CABIN1: variants seen among roughly 807,000 people sequenced by gnomAD.
CABIN1 encodes the protein calcineurin binding protein 1, also known as calcineurin-binding protein cabin-1.
CABIN1 carries 133 observed loss-of-function variants against 227.7 expected under a neutral mutation model. The ratio of observed to expected loss-of-function variants is 0.58; its 90% CI spans 0.51 to 0.67. CABIN1 has a LOEUF of 0.67. Ranked by LOEUF, CABIN1 falls within the 30% of genes least tolerant of loss-of-function variation. The probability of loss-of-function intolerance (pLI) is 0.00; values close to 1 mark genes in which losing one functional copy is unlikely to be tolerated. For missense variants in CABIN1, 2,408 were observed against 2,852.5 expected (o/e 0.84, Z 3.55); for synonymous variants, 1,086 against 1,155.1 (o/e 0.94, Z 1.21).
chr22:24,063,995 C>A lies in CABIN1; in HGVS notation c.1885-40C>A, dbSNP rs1287661278. 6.8e-6 allele frequency: 11 copies of A among 1,613,180 alleles called. No homozygotes were observed. The East Asian group carries it at 2.5e-4, about 36-fold the overall frequency. ...AAGCATCTGGCACATCATAGTCAGT[C>A]TTCTGCTTTGGTTCCCTGACCTGTT... On this transcript the variant is annotated intron_variant, in intron 14 of 36. Transcript: ENST00000263119.
chr22:24,086,246 C>T (rs2041153626), intron 22 of CABIN1, among the ~76,000 whole-genome samples: 1 of 152,224 alleles, frequency 6.6e-6, no homozygotes, highest in Admixed American at 6.5e-5. Context: ...TTCAGGTTTC[C>T]TCGTCTGTTC....
At chr22:24,059,704 CT>C in intron 11 of CABIN1, among the ~76,000 whole-genome samples, 1 of 152,180 alleles carries the variant, frequency 6.6e-6, no homozygotes, top group East Asian at 1.9e-4. Flanking sequence ...TGATGTCCAC[CT>C]TAGATACGGA....
chr22:24,070,675 T>C, intron 16 of CABIN1, 125 bp from the exon 17 acceptor site: 3 of 1,422,596 alleles, frequency 2.1e-6, no homozygotes, highest in Non-Finnish European at 3.0e-6. Flanking sequence ...TATGTTGTGC[T>C]GGGGCTCGTT....
At chr22:24,093,628 G>A (rs560315264) in intron 24 of CABIN1, among the ~76,000 whole-genome samples, 3 of 152,294 alleles carry the variant, frequency 2.0e-5, no homozygotes, top group South Asian at 2.1e-4. Flanking sequence ...CACTGCTTTG[G>A]GAGGATTGCT....
At chr22:24,113,501 G>A in intron 26 of CABIN1, 65 bp from the exon 27 acceptor site, 1 of 1,461,148 alleles carries the variant, frequency 6.8e-7, no homozygotes, top group Non-Finnish European at 9.6e-7. Context: ...ACCATAGGAA[G>A]GCCCCCTGTG....
Position 24,109,221 on chromosome 22 carries a change from C to CT in CABIN1, c.4118-4329dup, listed in dbSNP as rs869266886. Among the ~76,000 whole-genome samples the CT allele has an allele frequency of 7.5e-3, 999 of 133,260 alleles. 1 individual carries two copies. The highest frequency in any genetic ancestry group is 0.015 in the Middle Eastern group (4 of 260). The allele number at this position is 133,260 out of a possible 152,430, so 87.4% of individuals were successfully genotyped here. On this transcript the variant is annotated intron_variant, in intron 26 of 36. Coordinates refer to ENST00000263119, the MANE Select transcript of CABIN1 (RefSeq NM_012295.4). The stretch of plus-strand genomic sequence containing the variant: ...TTTTTTGAAACAACTTTATATTTTG[C>CT]TTTTTTTTTTTTTTTTAGACAGGGT...
intron 26 of CABIN1, among the ~76,000 whole-genome samples, chr22:24,100,162 A>G (rs1363857067): frequency 6.6e-6 from 1 of 152,250 alleles, no homozygotes; most frequent in Non-Finnish European, 1.5e-5. Context: ...AAATGTCTTC[A>G]AAGTGATTCC....
At chr22:24,036,289 T>G in intron 3 of CABIN1, 108 bp downstream of exon 3, 6 of 825,080 alleles carry the variant, frequency 7.3e-6, no homozygotes, top group Middle Eastern at 4.7e-4. Context: ...AGGGGGAAAT[T>G]CCATTTTGAA....
chr22:24,165,646 C>G lies in CABIN1; in HGVS notation c.5007+20C>G. ...GCAGAGGTATGCCACCTGTGTCCTC[C>G]TCTCCTCCACGGCCCATGAACACGC... On this transcript the variant is annotated intron_variant, in intron 31 of 36. Transcript: ENST00000263119. 6.3e-7 allele frequency: 1 copy of G among 1,597,270 alleles called. No individual in the cohort carries two copies. The highest frequency in any genetic ancestry group is 1.1e-5 in the South Asian group (1 of 89,686).
intron 17 of CABIN1, among the ~76,000 whole-genome samples, chr22:24,071,722 C>T (rs1376366724): frequency 3.9e-5 from 6 of 152,182 alleles, no homozygotes; most frequent in South Asian, 4.1e-4. Context: ...TGTGCTTCTC[C>T]CTCACTTAAA....
intron 1 of CABIN1, among the ~76,000 whole-genome samples, chr22:24,034,533 C>G (rs542052243): frequency 2.0e-5 from 3 of 152,270 alleles, no homozygotes; most frequent in African/African-American, 7.2e-5. Flanking sequence ...GTTATTTCCA[C>G]CTTTTAGCTT....
intron 9 of CABIN1, among the ~76,000 whole-genome samples, chr22:24,055,462 C>T (rs765427315): frequency 4.6e-5 from 7 of 152,240 alleles, no homozygotes; most frequent in African/African-American, 9.6e-5. Context: ...CATTCTGGCA[C>T]GAAGGTTGCT....
Position 24,167,225 on chromosome 22 carries a change from G to A in CABIN1, c.5594G>A (p.Arg1865His), listed in dbSNP as rs1318634093. ...AAGACACTTCTGTTGGATGCCTACC[G>A]TGTGTGGCAGCAGGGCCAGAAGGGT... Reference protein sequence around the residue: ...SGKTLLLDAYRVWQQGQKGVA... With the variant: ...SGKTLLLDAYHVWQQGQKGVA... Residue 1865 changes from arginine (R) to histidine (H), a missense_variant, in exon 32 of 37, where the codon CGT becomes CAT. Arg to His is a conservative substitution (Grantham distance 29). Around this residue, in one of 3 missense-constraint regions of CABIN1, gnomAD observed 714 missense variants for 773.8 expected, o/e 0.92. Coordinates refer to ENST00000263119, the MANE Select transcript of CABIN1 (RefSeq NM_012295.4). The A allele has an allele frequency of 1.2e-5, 20 of 1,613,134 alleles. No individual in the cohort carries two copies. Among genetic ancestry groups the A allele is most frequent in the Non-Finnish European group, 1.7e-5 (20 of 1,179,996 alleles).
intron 3 of CABIN1, among the ~76,000 whole-genome samples, chr22:24,036,991 G>A (rs2036946251): frequency 1.3e-5 from 2 of 152,114 alleles, no homozygotes; most frequent in South Asian, 2.1e-4. Flanking sequence ...CGGGTGCGGT[G>A]GCTCATGCCT....
At chr22:24,105,309 A>G (rs1364504686) in intron 26 of CABIN1, among the ~76,000 whole-genome samples, 4 of 152,230 alleles carry the variant, frequency 2.6e-5, no homozygotes, top group African/African-American at 9.6e-5. Context: ...GCAGACGCAC[A>G]TCCCCCTAAG....
intron 29 of CABIN1, among the ~76,000 whole-genome samples, chr22:24,136,524 A>ATATTTTTTTTTT (rs2044416040): frequency 4.3e-5 from 3 of 69,894 alleles, no homozygotes; most frequent in Non-Finnish European, 2.7e-5. Flanking sequence ...TAATTTTTGT[A>ATATTTTTTTTTT]TTTTTTTTTT....
intron 3 of CABIN1, among the ~76,000 whole-genome samples, chr22:24,037,671 C>T (rs1006502307): frequency 1.3e-5 from 2 of 152,126 alleles, no homozygotes; most frequent in Non-Finnish European, 2.9e-5. Flanking sequence ...ATTTTCCCCC[C>T]ATACCAATTC....
chr22:24,076,148 G>T (rs1186771835), intron 18 of CABIN1, 21 bp from the exon 19 acceptor site: 2 of 1,598,148 alleles, frequency 1.3e-6, no homozygotes, highest in Non-Finnish European at 1.7e-6. Flanking sequence ...CTCTGTGTCT[G>T]TCGGCCTGGG....
rs115695121 is a variant in CABIN1, at chr22:24,115,734, G to A, written c.4300+1986G>A. On this transcript the variant is annotated intron_variant, in intron 27 of 36. Transcript: ENST00000263119. ...TTGAGCAGCCTTTGGCCTCCCTGCAGAAAGCTGGGACAGCAGTGCCTAGGC... is the reference window on the plus strand; with the variant it reads ...TTGAGCAGCCTTTGGCCTCCCTGCAAAAAGCTGGGACAGCAGTGCCTAGGC... Among the ~76,000 whole-genome samples, 312 of 152,316 alleles carry A rather than the reference G, an allele frequency of 2.0e-3. 2 individuals are homozygous for A. Among genetic ancestry groups the A allele is most frequent in the African/African-American group, 7.3e-3 (303 of 41,566 alleles).
Sources: gnomAD v4.1 joint callset for allele counts (sites outside exome capture counted in the v4.1 genomes callset) on GRCh38, gnomAD v4.1.1 for gene constraint, gnomAD v4.1.1 regional missense constraint, MANE v1.5 for transcripts, NCBI Gene and HGNC (gene_info 2026-07-23, HGNC 2026-07-21) for gene names.